ANGPTL2: variants seen among roughly 807,000 people sequenced by gnomAD.
The protein encoded by ANGPTL2 is angiopoietin-related protein 2.
Under a neutral mutation model 52.8 loss-of-function variants are expected in ANGPTL2, and 25 were observed. That is an observed-to-expected ratio of 0.47 (90% CI 0.35 to 0.66). ANGPTL2 has a LOEUF of 0.66. Among genes scored for constraint, ANGPTL2 ranks in the 30% least tolerant of loss-of-function variants. The pLI is 0.01. For synonymous variants in ANGPTL2, 276 were observed against 277.4 expected (o/e 1.00, Z 0.05); for missense variants, 546 against 656.9 (o/e 0.83, Z 1.84).
At chr9:127,098,284 A>G (rs565166580) in intron 2 of ANGPTL2, among the ~76,000 whole-genome samples, 1 of 152,350 alleles carries the variant, frequency 6.6e-6, no homozygotes, top group South Asian at 2.1e-4. Flanking sequence ...GGACCAGTGC[A>G]GAGTACCTAG....
chr9:127,099,874 G>A (rs942305917), intron 2 of ANGPTL2, among the ~76,000 whole-genome samples: 1 of 152,200 alleles, frequency 6.6e-6, no homozygotes, highest in South Asian at 2.1e-4. Context: ...CTTTCAGGCC[G>A]CTTTAGCCCT....
chr9:127,095,809 T>G (rs566770795), intron 2 of ANGPTL2, among the ~76,000 whole-genome samples: 1 of 152,288 alleles, frequency 6.6e-6, no homozygotes, highest in South Asian at 2.1e-4. Flanking sequence ...AGGTTTCTGG[T>G]CTCTGTTAGA....
At chr9:127,098,249 G>T (rs557041811) in intron 2 of ANGPTL2, among the ~76,000 whole-genome samples, 1 of 152,208 alleles carries the variant, frequency 6.6e-6, no homozygotes, top group Non-Finnish European at 1.5e-5. Flanking sequence ...AGTTTTCAAC[G>T]TGCAGTGGGC....
chr9:127,120,154 A>G (rs2055896434), intron 1 of ANGPTL2, among the ~76,000 whole-genome samples: 1 of 152,126 alleles, frequency 6.6e-6, no homozygotes, highest in Admixed American at 6.5e-5. Context: ...TCCGGGGCAA[A>G]CCTGACTATG....
intron 1 of ANGPTL2, among the ~76,000 whole-genome samples, chr9:127,110,774 C>T (rs935493459): frequency 8.5e-5 from 13 of 152,102 alleles, no homozygotes; most frequent in African/African-American, 2.4e-4. Context: ...TCTAATTCAC[C>T]GCCAAATTAC....
intron 2 of ANGPTL2, among the ~76,000 whole-genome samples, chr9:127,099,051 C>G (rs1164585682): frequency 6.6e-6 from 1 of 152,216 alleles, no homozygotes; most frequent in Non-Finnish European, 1.5e-5. Context: ...CCTCTTCTCT[C>G]TGACGTGCCT....
chr9:127,108,231 G>A lies in ANGPTL2; in HGVS notation c.501C>T (p.Ala167=), dbSNP rs185969991. The A allele has an allele frequency of 5.0e-5, 80 of 1,614,038 alleles. No homozygotes were observed. The highest frequency in any genetic ancestry group is 1.6e-4 in the Middle Eastern group (1 of 6,062). The change falls in exon 2 of 5, where the codon GCC becomes GCT. Residue 167 remains alanine, a synonymous_variant. Transcript: ENST00000373425. The stretch of plus-strand genomic sequence containing the variant: ...ACTTGCTGGCCAGCTGCAGCATGTC[G>A]GCTGTCTGGTTCAGGATCCTGTTCT... ...QLENRILNQT[A]DMLQLASKYK... is the part of the protein sequence containing the mutation.
intron 1 of ANGPTL2, among the ~76,000 whole-genome samples, chr9:127,121,856 G>A (rs567128204): frequency 5.3e-5 from 8 of 152,162 alleles, no homozygotes; most frequent in African/African-American, 1.9e-4. Flanking sequence ...TCAGCACAGC[G>A]CTTGCCTTTG....
At chr9:127,092,452 T>G (rs557632271) in intron 3 of ANGPTL2, among the ~76,000 whole-genome samples, 85 of 151,592 alleles carry the variant, frequency 5.6e-4, no homozygotes, top group African/African-American at 2.0e-3. Context: ...TTGTGGTTAT[T>G]GTTTTTTTTT....
chr9:127,109,882 T>G (rs2054622922), intron 1 of ANGPTL2, among the ~76,000 whole-genome samples: 1 of 152,130 alleles, frequency 6.6e-6, no homozygotes, highest in Non-Finnish European at 1.5e-5. Context: ...CACTGACCCT[T>G]GAGGAATGAG....
intron 2 of ANGPTL2, 96 bp from the exon 3 acceptor site, chr9:127,094,022 C>G: frequency 7.1e-7 from 1 of 1,412,564 alleles, no homozygotes; most frequent in Non-Finnish European, 9.6e-7. Context: ...TGTTGAGGCT[C>G]CAGCTGGGAG....
Position 127,108,783 on chromosome 9 carries a change from G to A in ANGPTL2, c.-49-3C>T. On this transcript the variant is annotated splice_region_variant and splice_polypyrimidine_tract_variant and intron_variant, in intron 1 of 4. Coordinates refer to ENST00000373425, the MANE Select transcript of ANGPTL2 (RefSeq NM_012098.3). ...TTGTGAATAGAATCTATGAAAGCCT[G>A]AAAGTAAACAGAGGGGAGAATCAGT... The A allele has an allele frequency of 1.3e-6, 2 of 1,530,362 alleles. No homozygotes were observed. Among genetic ancestry groups the A allele is most frequent in the Non-Finnish European group, 1.8e-6 (2 of 1,135,124 alleles). The allele number at this position is 1,530,362 out of a possible 1,614,324, so 94.8% of individuals were successfully genotyped here.
chr9:127,109,210 CT>C (rs2054559008), intron 1 of ANGPTL2, among the ~76,000 whole-genome samples: 1 of 152,214 alleles, frequency 6.6e-6, no homozygotes, highest in South Asian at 2.1e-4. Context: ...CTATTCTATA[CT>C]TTCACACCCC....
intron 3 of ANGPTL2, among the ~76,000 whole-genome samples, chr9:127,092,453 GT>G (rs147518760): frequency 1.3e-5 from 2 of 150,674 alleles, no homozygotes; most frequent in Non-Finnish European, 3.0e-5. Flanking sequence ...TGTGGTTATT[GT>G]TTTTTTTTGC....
At chr9:127,111,584 C>G (rs866751378) in intron 1 of ANGPTL2, among the ~76,000 whole-genome samples, 1 of 152,200 alleles carries the variant, frequency 6.6e-6, no homozygotes, top group Non-Finnish European at 1.5e-5. Context: ...GTCAGAGCTG[C>G]GCAGAGGAGG....
intron 3 of ANGPTL2, among the ~76,000 whole-genome samples, chr9:127,093,007 C>G (rs917635314): frequency 6.6e-6 from 1 of 152,142 alleles, no homozygotes; most frequent in Non-Finnish European, 1.5e-5. Flanking sequence ...TCCACACTTT[C>G]ATCTGTAAGC....
intron 4 of ANGPTL2, among the ~76,000 whole-genome samples, chr9:127,090,545 C>T (rs1159339314): frequency 1.3e-5 from 2 of 152,228 alleles, no homozygotes; most frequent in African/African-American, 4.8e-5. Flanking sequence ...GAGAATTACC[C>T]TTCAGAATGT....
In ANGPTL2 at chr9:127,107,839, A is replaced by G. The variant is rs577186218; in HGVS notation, c.817+76T>C. ...CTTCAACTGGCCATGGCTTTTCCCCATTTGTGGACACAGCCAAGGGAAGCC... is the reference window on the plus strand; with the variant it reads ...CTTCAACTGGCCATGGCTTTTCCCCGTTTGTGGACACAGCCAAGGGAAGCC... On this transcript the variant is annotated intron_variant, in intron 2 of 4. Coordinates refer to ENST00000373425, the MANE Select transcript of ANGPTL2 (RefSeq NM_012098.3). The G allele has an allele frequency of 9.1e-6, 13 of 1,434,914 alleles. No individual in the cohort carries two copies. The South Asian group carries it at 1.8e-4, about 20-fold the overall frequency. The allele number at this position is 1,434,914 out of a possible 1,614,324, so 88.9% of individuals were successfully genotyped here. A position where few individuals can be genotyped will look rare whatever the true frequency, so the allele number is the denominator to read the frequency against.
Position 127,089,007 on chromosome 9 carries a change from G to A in ANGPTL2, c.1414C>T (p.Arg472Ter), listed in dbSNP as rs375360881. Reference protein sequence around the residue: ...YQDGVYWAEFRGGSYSLKKVV... With the variant: ...YQDGVYWAEF ...TTCTTGAGTGAGTAAGAGCCTCCTC[G>A]GAACTCAGCCCAGTAGACTCCGTCC... Residue 472 changes from arginine to a stop codon, truncating the protein, a stop_gained, in exon 5 of 5, where the codon CGA becomes TGA. Transcript: ENST00000373425. LOFTEE classifies it high-confidence loss of function. The A allele has an allele frequency of 3.1e-6, 5 of 1,614,074 alleles. No individual in the cohort carries two copies. Among genetic ancestry groups the A allele is most frequent in the Non-Finnish European group, 3.4e-6 (4 of 1,180,044 alleles).
Sources: gnomAD v4.1 joint callset for allele counts (sites outside exome capture counted in the v4.1 genomes callset) on GRCh38, gnomAD v4.1.1 for gene constraint, MANE v1.5 for transcripts, NCBI Gene and HGNC (gene_info 2026-07-23, HGNC 2026-07-21) for gene names.